CLSTN3: variants seen among roughly 807,000 people sequenced by gnomAD.
The protein encoded by CLSTN3 is calsyntenin-3.
Under a neutral mutation model 95.9 loss-of-function variants are expected in CLSTN3, and 36 were observed. That is an observed-to-expected ratio of 0.38 (90% CI 0.29 to 0.50). The LOEUF (loss-of-function observed/expected upper bound fraction) is 0.50, where lower values mean the gene tolerates loss of function less well. Among genes scored for constraint, CLSTN3 ranks in the 20% least tolerant of loss-of-function variants. The probability of loss-of-function intolerance (pLI) is 0.95; values close to 1 mark genes in which losing one functional copy is unlikely to be tolerated. For synonymous variants in CLSTN3, 481 were observed against 504.0 expected (o/e 0.95, Z 0.61); for missense variants, 1,084 against 1,268.8 (o/e 0.85, Z 2.21).
chr12:7,130,597 G>T lies in CLSTN3; in HGVS notation c.-52G>T, dbSNP rs2135790593. 6.4e-7 allele frequency: 1 copy of T among 1,550,682 alleles called. No individual in the cohort carries two copies. The highest frequency in any genetic ancestry group is 2.4e-5 in the East Asian group (1 of 41,092). On this transcript the variant is annotated 5_prime_UTR_variant, in exon 1 of 18. Coordinates refer to ENST00000266546, the MANE Select transcript of CLSTN3 (RefSeq NM_014718.4). ...CCCGCAAGGTGGAATCCGCAGGCTG[G>T]AGGCTCCCAGGGGAGGCAAACGCCT...
intron 16 of CLSTN3, among the ~76,000 whole-genome samples, chr12:7,152,059 A>C (rs34966741): frequency 7.8e-6 from 1 of 127,900 alleles, no homozygotes; most frequent in Non-Finnish European, 1.7e-5. Context: ...GTCTCAAAGG[A>C]AAAAAAAAAA....
Position 7,150,755 on chromosome 12 carries a change from C to T in CLSTN3, c.2391+66C>T. The T allele has an allele frequency of 1.9e-6, 3 of 1,589,198 alleles. No individual in the cohort carries two copies. The highest frequency in any genetic ancestry group is 2.6e-6 in the Non-Finnish European group (3 of 1,161,774). On this transcript the variant is annotated intron_variant, in intron 15 of 17. Transcript: ENST00000266546. This position sits in a 1 kb window ranked among gnomAD's most constrained non-coding sequence, Gnocchi z 4.0. ...CAGAAAGGAGCTGAGGTGGCATGGA[C>T]TCAAAATGTTAGTTGGTGGGCATGG...
In CLSTN3 at chr12:7,133,869, C is replaced by T. The variant is rs1046447551; in HGVS notation, c.383+101C>T. On this transcript the variant is annotated intron_variant, in intron 3 of 17. Coordinates refer to ENST00000266546, the MANE Select transcript of CLSTN3 (RefSeq NM_014718.4). The surrounding 1 kb of genome is among the most constrained non-coding windows in gnomAD (Gnocchi z 4.7). ...CGTGCGGTCATCGAATATCCACCCC[C>T]ACCCGCTGCTGTTCCTAGGACTTAG... 2 of 963,598 alleles carry T rather than the reference C, an allele frequency of 2.1e-6. No individual in the cohort carries two copies. The highest frequency in any genetic ancestry group is 2.9e-5 in the Admixed American group (1 of 34,702). The allele number at this position is 963,598 out of a possible 1,614,324, so 59.7% of individuals were successfully genotyped here. A position where few individuals can be genotyped will look rare whatever the true frequency, so the allele number is the denominator to read the frequency against.
At chr12:7,129,868 G>A (rs2290234), upstream of CLSTN3, 175,507 of 959,428 alleles carry the variant, frequency 0.18, 17,343 homozygotes, top group Middle Eastern at 0.22. The surrounding 1 kb of genome is among the most constrained non-coding windows in gnomAD (Gnocchi z 5.5). Flanking sequence ...CCCCTCCTTG[G>A]GTCCCAGAGC....
At position 7,130,419 on chromosome 12, in the gene CLSTN3, G is replaced by T; in HGVS notation, c.-230G>T. Reference sequence around the variant, plus strand: ...TGGGAGTGAGAGAGTGAGGACGCTGGGCTGGGGGAAACGGGAAGCCGCTGC... The same window carrying T: ...TGGGAGTGAGAGAGTGAGGACGCTGTGCTGGGGGAAACGGGAAGCCGCTGC... On this transcript the variant is annotated 5_prime_UTR_variant, in exon 1 of 18. Transcript: ENST00000266546. 1.4e-6 allele frequency: 2 copies of T among 1,452,362 alleles called. No homozygotes were observed. The highest frequency in any genetic ancestry group is 1.8e-6 in the Non-Finnish European group (2 of 1,104,018). The allele number at this position is 1,452,362 out of a possible 1,614,324, so 90.0% of individuals were successfully genotyped here.
At chr12:7,142,061 GTTT>G (rs63110460) in intron 9 of CLSTN3, 22 bp from the exon 10 acceptor site, 13,731 of 1,270,992 alleles carry the variant, frequency 0.011, no homozygotes, top group South Asian at 0.015. Flanking sequence ...CACCAGCACT[GTTT>G]TTTTTTTTTT....
At chr12:7,142,191 G>T in intron 10 of CLSTN3, 52 bp downstream of exon 10, 1 of 1,481,114 alleles carries the variant, frequency 6.8e-7, no homozygotes, top group Non-Finnish European at 9.4e-7. Context: ...TTCACTTTCT[G>T]TTCTGAGATC....
In CLSTN3 at chr12:7,130,465, C is replaced by A. The variant is rs1344972782; in HGVS notation, c.-184C>A. 3 of 1,486,636 alleles carry A rather than the reference C, an allele frequency of 2.0e-6. No homozygotes were observed. The highest frequency in any genetic ancestry group is 2.7e-6 in the Non-Finnish European group (3 of 1,119,392). The allele number at this position is 1,486,636 out of a possible 1,614,324, so 92.1% of individuals were successfully genotyped here. On this transcript the variant is annotated 5_prime_UTR_variant, in exon 1 of 18. Transcript: ENST00000266546. ...GCTGCAAGTCCACCGCCTCAGCTAC[C>A]CAGATTGGGATCTGCCCAGGCCCGC...
At chr12:7,156,730 C>A in intron 16 of CLSTN3, 1 of 456,812 alleles carries the variant, frequency 2.2e-6, no homozygotes, top group South Asian at 1.5e-5. Context: ...ACGCACCGTT[C>A]TGTGTCTCAG....
rs1280476961 is a variant in CLSTN3, at chr12:7,149,468, C to G, written c.2075-55C>G. ...TGGTGATGAGGGCATGGTTGGGTCT[C>G]AGAACCTCCGTGGGCCCTTTGGCTC... On this transcript the variant is annotated intron_variant, in intron 13 of 17. Transcript: ENST00000266546. The surrounding 1 kb of genome is among the most constrained non-coding windows in gnomAD (Gnocchi z 4.5). The G allele has an allele frequency of 1.3e-6, 2 of 1,546,120 alleles. No individual in the cohort carries two copies. Among genetic ancestry groups the G allele is most frequent in the African/African-American group, 2.7e-5 (2 of 73,738 alleles).
intron 16 of CLSTN3, among the ~76,000 whole-genome samples, chr12:7,153,978 A>G (rs752464323): frequency 1.3e-5 from 2 of 152,086 alleles, no homozygotes; most frequent in African/African-American, 2.4e-5. Flanking sequence ...CAGTCTCCCC[A>G]TCCTTTGTTC....
At chr12:7,130,308 CCCCCT>C, upstream of CLSTN3, 4 of 920,186 alleles carry the variant, frequency 4.3e-6, no homozygotes, top group Non-Finnish European at 5.6e-6. Flanking sequence ...CCTGGTCCCC[CCCCCT>C]CCCAGTCACC....
chr12:7,137,783 TGTGTGTGTGTGTGAGAGA>T lies in CLSTN3; in HGVS notation c.1211-170_1211-153del, dbSNP rs949655944. ...GTGTGTGTGTGTGTGTGTGTGTGTG[TGTGTGTGTGTGTGAGAGA>T]GAGAGAGAGAGAGAGAGAGAGGAAA... On this transcript the variant is annotated intron_variant, in intron 7 of 17. Transcript: ENST00000266546. This position sits in a 1 kb window ranked among gnomAD's most constrained non-coding sequence, Gnocchi z 4.4. Among the ~76,000 whole-genome samples the T allele has an allele frequency of 1.7e-4, 19 of 111,756 alleles. No individual in the cohort carries two copies. Among genetic ancestry groups the T allele is most frequent in the Non-Finnish European group, 3.1e-4 (16 of 51,070 alleles). The allele number at this position is 111,756 out of a possible 152,430, so 73.3% of individuals were successfully genotyped here.
At position 7,150,121 on chromosome 12, in the gene CLSTN3, A is replaced by T. The variant is rs1939698071; in HGVS notation, c.2246-423A>T. Among the ~76,000 whole-genome samples, 1 of 152,220 alleles carries T rather than the reference A, an allele frequency of 6.6e-6. No homozygotes were observed. ...CTCTTAGTGAATAGTGGGAGTGATG[A>T]TTTGGTAGTTTCCAAAGGAAGCCAG... On this transcript the variant is annotated intron_variant, in intron 14 of 17. Transcript: ENST00000266546. The surrounding 1 kb of genome is among the most constrained non-coding windows in gnomAD (Gnocchi z 4.0).
Position 7,141,304 on chromosome 12 carries a change from T to C in CLSTN3, c.1386T>C (p.Tyr462=), listed in dbSNP as rs1280207699. ...TCGAGTTCCCCACAGTCACACTCTA[T>C]ACCGACGGCATCTCCTTCGACCCTG... ...LNLEFPTVTL[Y]TDGISFDPAL... Residue 462 remains tyrosine, a synonymous_variant, in exon 9 of 18, where the codon TAT becomes TAC. Transcript: ENST00000266546. This position sits in a 1 kb window ranked among gnomAD's most constrained non-coding sequence, Gnocchi z 4.1. 4 of 1,614,170 alleles carry C rather than the reference T, an allele frequency of 2.5e-6. No homozygotes were observed. The highest frequency in any genetic ancestry group is 2.5e-6 in the Non-Finnish European group (3 of 1,180,008).
rs894191346 is a variant in CLSTN3, at chr12:7,158,740, G to A, written c.*659G>A. 12 of 152,084 alleles carry A rather than the reference G, an allele frequency of 7.9e-5. No individual in the cohort carries two copies. Among genetic ancestry groups the A allele is most frequent in the Admixed American group, 2.0e-4 (3 of 15,256 alleles). 9.4% of individuals were successfully genotyped at this position (152,084 alleles called of 1,614,324 possible). ...ACGGGAGGGGACGTGGGGGCCCCGGGTGTACATATATAATGTATATTTTTT... is the reference window on the plus strand; with the variant it reads ...ACGGGAGGGGACGTGGGGGCCCCGGATGTACATATATAATGTATATTTTTT... On this transcript the variant is annotated 3_prime_UTR_variant, in exon 18 of 18. Transcript: ENST00000266546.
chr12:7,154,930 A>G (rs1939789886), intron 16 of CLSTN3, among the ~76,000 whole-genome samples: 2 of 152,222 alleles, frequency 1.3e-5, no homozygotes, highest in South Asian at 2.1e-4. Flanking sequence ...CAGAATTTTG[A>G]CCCTGAGCTT....
chr12:7,129,603 C>A (rs1939239869), upstream of CLSTN3: 2 of 985,408 alleles, frequency 2.0e-6, no homozygotes, highest in Non-Finnish European at 2.4e-6. This position sits in a 1 kb window ranked among gnomAD's most constrained non-coding sequence, Gnocchi z 5.5. Context: ...AACCCCCAGT[C>A]CCCAGCCCTA....
At position 7,135,659 on chromosome 12, in the gene CLSTN3, A is replaced by G. The variant is rs570605012; in HGVS notation, c.592+124A>G. ...ACCCTCACCTCACCCTTCTTCCCAA[A>G]TGGAGCCTTCTCCTCCCAGATGCCT... On this transcript the variant is annotated intron_variant, in intron 4 of 17. Coordinates refer to ENST00000266546, the MANE Select transcript of CLSTN3 (RefSeq NM_014718.4). 7.6e-4 allele frequency: 1,016 copies of G among 1,343,596 alleles called. 7 individuals carry two copies. In the South Asian group the frequency reaches 9.2e-3, roughly 12 times the overall value. 83.2% of individuals were successfully genotyped at this position (1,343,596 alleles called of 1,614,324 possible).
Sources: gnomAD v4.1 joint callset for allele counts (sites outside exome capture counted in the v4.1 genomes callset) on GRCh38, gnomAD v4.1.1 for gene constraint, Gnocchi (gnomAD v3.1) non-coding constraint, MANE v1.5 for transcripts, NCBI Gene and HGNC (gene_info 2026-07-23, HGNC 2026-07-21) for gene names.